The following YPEL5 variants were observed in gnomAD, a reference collection of about 807,000 sequenced individuals.
YPEL5 encodes yippee like 5.
Under a neutral mutation model 10.5 loss-of-function variants are expected in YPEL5, and 1 was observed. That is an observed-to-expected ratio of 0.10 (90% confidence interval 0.03 to 0.45). The LOEUF (loss-of-function observed/expected upper bound fraction) is 0.45. Among genes scored for constraint, YPEL5 ranks in the 20% least tolerant of loss-of-function variants. The probability of loss-of-function intolerance (pLI) is 0.97; values close to 1 mark genes in which losing one functional copy is unlikely to be tolerated. For synonymous variants in YPEL5, 61 were observed against 56.6 expected (o/e 1.08, Z -0.35); for missense variants, 68 against 159.3 (o/e 0.43, Z 3.09).
chr2:30,150,641 G>A (rs1675739086), intron 1 of YPEL5, among the ~76,000 whole-genome samples: 1 of 152,204 alleles, frequency 6.6e-6, no homozygotes, highest in Non-Finnish European at 1.5e-5. Context: ...GTAAAGAAAA[G>A]GGGAATGGGA....
At chr2:30,150,512 G>C (rs1020328912) in intron 1 of YPEL5, among the ~76,000 whole-genome samples, 1 of 152,166 alleles carries the variant, frequency 6.6e-6, no homozygotes, top group African/African-American at 2.4e-5. Context: ...TTAAGTCCTG[G>C]GGGTGGAGAG....
chr2:30,158,826 C>T lies in YPEL5; in HGVS notation c.349C>T (p.Pro117Ser), dbSNP rs752096275. ...RESEGFEEHVPSDNS is the reference protein window; with the variant it reads ...RESEGFEEHVSSDNS ...GAGTGAGGGCTTTGAGGAGCATGTA[C>T]CATCTGATAACTCTTGAAGATACAG... Residue 117 changes from proline to serine, a missense_variant, in exon 3 of 3, where the codon CCA becomes TCA. Physicochemically the swap from Pro to Ser is moderately conservative, Grantham distance 74 (BLOSUM62 -1). Transcript: ENST00000261353. 9 of 1,614,120 alleles carry T rather than the reference C, an allele frequency of 5.6e-6. No individual in the cohort carries two copies. Among genetic ancestry groups the T allele is most frequent in the Non-Finnish European group, 7.6e-6 (9 of 1,180,020 alleles).
At chr2:30,156,563 C>G in intron 1 of YPEL5, 65 bp from the exon 2 acceptor site, 1 of 1,452,624 alleles carries the variant, frequency 6.9e-7, no homozygotes, top group Non-Finnish European at 9.5e-7. Context: ...CTCTATGACA[C>G]CCCCCAAGTA....
chr2:30,149,253 CA>C (rs1558354159), intron 1 of YPEL5, among the ~76,000 whole-genome samples: 1 of 152,012 alleles, frequency 6.6e-6, no homozygotes, highest in East Asian at 1.9e-4. Context: ...TCTAACAAAA[CA>C]GGAAAAAATA....
At chr2:30,153,838 A>T (rs896586057) in intron 1 of YPEL5, among the ~76,000 whole-genome samples, 1 of 152,260 alleles carries the variant, frequency 6.6e-6, no homozygotes, top group East Asian at 1.9e-4. Flanking sequence ...AATGAATCAT[A>T]TAATTGAATC....
At chr2:30,151,539 A>G (rs1394431188) in intron 1 of YPEL5, among the ~76,000 whole-genome samples, 1 of 152,230 alleles carries the variant, frequency 6.6e-6, no homozygotes, top group Admixed American at 6.5e-5. Flanking sequence ...GTAATTTCAA[A>G]TAAACTAAGA....
intron 1 of YPEL5, among the ~76,000 whole-genome samples, chr2:30,155,252 C>T (rs943211942): frequency 6.6e-6 from 1 of 152,100 alleles, no homozygotes; most frequent in African/African-American, 2.4e-5. Context: ...TTATATTCAC[C>T]ATTTGTTTTT....
chr2:30,158,478 C>G (rs1222070770), intron 2 of YPEL5, 141 bp from the exon 3 acceptor site: 6 of 768,396 alleles, frequency 7.8e-6, no homozygotes, highest in Middle Eastern at 7.6e-4. Flanking sequence ...ATAAATAAGT[C>G]TTGCGTATTA....
At chr2:30,149,640 A>G (rs1675686953) in intron 1 of YPEL5, among the ~76,000 whole-genome samples, 1 of 152,220 alleles carries the variant, frequency 6.6e-6, no homozygotes, top group Admixed American at 6.5e-5. Flanking sequence ...TAAAAACGAG[A>G]TAGGAAAGCT....
At chr2:30,155,802 A>G (rs1676013953) in intron 1 of YPEL5, 1 of 152,224 alleles carries the variant, frequency 6.6e-6, no homozygotes, top group Non-Finnish European at 1.5e-5. Context: ...TAATCAAGTT[A>G]TGTATGGGAA....
chr2:30,153,450 G>T (rs1675904462), intron 1 of YPEL5, among the ~76,000 whole-genome samples: 1 of 152,204 alleles, frequency 6.6e-6, no homozygotes, highest in South Asian at 2.1e-4. Context: ...CTGTGCTTGT[G>T]ACCTAATCAC....
At chr2:30,151,910 T>C (rs928803761) in intron 1 of YPEL5, among the ~76,000 whole-genome samples, 1 of 152,216 alleles carries the variant, frequency 6.6e-6, no homozygotes, top group African/African-American at 2.4e-5. Context: ...GCAAGGTGAT[T>C]AGCATACTTG....
Position 30,151,595 on chromosome 2 carries a change from A to G in YPEL5, c.-25+4533A>G, listed in dbSNP as rs554412931. ...TCAAGCTTGGTACTTTTCTTATTCAACCTTTTTAGGATTTTTATAACCTGG... is the reference window on the plus strand; with the variant it reads ...TCAAGCTTGGTACTTTTCTTATTCAGCCTTTTTAGGATTTTTATAACCTGG... On this transcript the variant is annotated intron_variant, in intron 1 of 2. Transcript: ENST00000261353. Among the ~76,000 whole-genome samples, 4 of 152,276 alleles carry G rather than the reference A, an allele frequency of 2.6e-5. No individual in the cohort carries two copies. In the South Asian group the frequency reaches 6.2e-4, roughly 24 times the overall value.
In YPEL5 at chr2:30,158,924, A is replaced by G. The variant is rs1676159596; in HGVS notation, c.*81A>G. The G allele has an allele frequency of 7.6e-7, 1 of 1,324,148 alleles. No individual in the cohort carries two copies. The highest frequency in any genetic ancestry group is 1.1e-6 in the Non-Finnish European group (1 of 945,198). 82.0% of individuals were successfully genotyped at this position (1,324,148 alleles called of 1,614,324 possible). A position where few individuals can be genotyped will look rare whatever the true frequency, so the allele number is the denominator to read the frequency against. On this transcript the variant is annotated 3_prime_UTR_variant, in exon 3 of 3. Coordinates refer to ENST00000261353, the MANE Select transcript of YPEL5 (RefSeq NM_016061.3). Reference sequence around the variant, plus strand: ...TACTTACATACACTGTCACCTTAGCATCAGAGTCGGATTAATGAACTGCGG... The same window carrying G: ...TACTTACATACACTGTCACCTTAGCGTCAGAGTCGGATTAATGAACTGCGG...
intron 2 of YPEL5, among the ~76,000 whole-genome samples, 163 bp from the exon 3 acceptor site, chr2:30,158,456 C>T (rs534579678): frequency 4.6e-4 from 70 of 152,326 alleles, no homozygotes; most frequent in African/African-American, 1.6e-3. Flanking sequence ...CTGCCTGCCC[C>T]AGCAGCTTCT....
At position 30,156,741 on chromosome 2, in the gene YPEL5, C is replaced by T. The variant is rs940507890; in HGVS notation, c.90C>T (p.Leu30=). 15 of 1,614,066 alleles carry T rather than the reference C, an allele frequency of 9.3e-6. No individual in the cohort carries two copies. The African/African-American group carries it at 2.0e-4, about 22-fold the overall frequency. ...CDTILTNRSE[L]ISTRFTGATG... ...CGATCCTGACCAACCGCTCAGAACT[C>T]ATCTCCACTCGTTTCACAGGCGCCA... Residue 30 remains leucine (L), a synonymous_variant, in exon 2 of 3, where the codon CTC becomes CTT. Coordinates refer to ENST00000261353, the MANE Select transcript of YPEL5 (RefSeq NM_016061.3).
At chr2:30,148,633 G>C (rs774794986) in intron 1 of YPEL5, 7 of 152,218 alleles carry the variant, frequency 4.6e-5, no homozygotes, top group Non-Finnish European at 8.8e-5. Context: ...AATAATTTTA[G>C]CAAGTTATGA....
At chr2:30,158,395 C>T (rs576891276) in intron 2 of YPEL5, among the ~76,000 whole-genome samples, 6 of 152,168 alleles carry the variant, frequency 3.9e-5, no homozygotes, top group Non-Finnish European at 5.9e-5. Flanking sequence ...TAGGCTAGTA[C>T]GGTAGTGCAT....
At chr2:30,155,771 A>G (rs1040320802) in intron 1 of YPEL5, 1 of 152,216 alleles carries the variant, frequency 6.6e-6, no homozygotes, top group East Asian at 1.9e-4. Context: ...GATTTATTGA[A>G]TCAGTAAGAT....
Sources: gnomAD v4.1 joint callset for allele counts (sites outside exome capture counted in the v4.1 genomes callset) on GRCh38, gnomAD v4.1.1 for gene constraint, MANE v1.5 for transcripts, NCBI Gene and HGNC (gene_info 2026-07-23, HGNC 2026-07-21) for gene names.